SORCS3: variants seen among roughly 807,000 people sequenced by gnomAD.
The protein encoded by SORCS3 is sortilin related VPS10 domain containing receptor 3.
Under a neutral mutation model 146.3 loss-of-function variants are expected in SORCS3, and 57 were observed. That is an observed-to-expected ratio of 0.39 (90% CI 0.31 to 0.49). The LOEUF (loss-of-function observed/expected upper bound fraction) is 0.49, where lower values mean the gene tolerates loss of function less well. SORCS3 is among the 20% of genes least tolerant of loss of function. The pLI is 0.92. For synonymous variants in SORCS3, 653 were observed against 618.5 expected (o/e 1.06, Z -0.83); for missense variants, 1,341 against 1,575.5 (o/e 0.85, Z 2.52).
chr10:105,042,234 C>T (rs34795793), intron 4 of SORCS3, among the ~76,000 whole-genome samples: 64 of 152,204 alleles, frequency 4.2e-4, no homozygotes, highest in African/African-American at 1.4e-3. Context: ...GTGGTGGCAC[C>T]GTGGAAGCTT....
intron 2 of SORCS3, among the ~76,000 whole-genome samples, chr10:104,903,407 C>A (rs1042323443): frequency 5.3e-5 from 8 of 151,848 alleles, no homozygotes; most frequent in African/African-American, 1.7e-4. Flanking sequence ...GGGGACAGGG[C>A]AAATTGTGCT....
chr10:104,799,258 G>A (rs967880750), intron 1 of SORCS3, among the ~76,000 whole-genome samples: 5 of 152,050 alleles, frequency 3.3e-5, no homozygotes, highest in South Asian at 2.1e-4. Flanking sequence ...TGTTTATTGC[G>A]GCACTATTCA....
chr10:105,187,722 G>A (rs1387643594), intron 14 of SORCS3, among the ~76,000 whole-genome samples: 1 of 152,200 alleles, frequency 6.6e-6, no homozygotes, highest in Non-Finnish European at 1.5e-5. Flanking sequence ...CATGAATCAA[G>A]TGTTGCTATT....
chr10:104,802,358 G>A (rs1043769503), intron 1 of SORCS3, among the ~76,000 whole-genome samples: 1 of 152,198 alleles, frequency 6.6e-6, no homozygotes, highest in Non-Finnish European at 1.5e-5. Context: ...ATACAAAGTT[G>A]ATTTTTCAAA....
At chr10:105,236,113 T>C (rs967756123) in intron 20 of SORCS3, among the ~76,000 whole-genome samples, 1 of 152,154 alleles carries the variant, frequency 6.6e-6, no homozygotes, top group Non-Finnish European at 1.5e-5. Flanking sequence ...AGATGACTAA[T>C]GCACTTGCAT....
chr10:104,750,244 A>G (rs1159472166), intron 1 of SORCS3, among the ~76,000 whole-genome samples: 1 of 152,210 alleles, frequency 6.6e-6, no homozygotes, highest in Non-Finnish European at 1.5e-5. Flanking sequence ...CAAGCAATTC[A>G]TGCTAGCATA....
intron 9 of SORCS3, among the ~76,000 whole-genome samples, chr10:105,150,794 G>A (rs570270036): frequency 3.3e-5 from 5 of 152,202 alleles, no homozygotes; most frequent in African/African-American, 1.2e-4. Context: ...TACATTCTGT[G>A]GTTTGGAGAT....
intron 2 of SORCS3, among the ~76,000 whole-genome samples, chr10:104,895,091 G>A (rs778836909): frequency 3.3e-5 from 5 of 152,220 alleles, no homozygotes; most frequent in Admixed American, 6.5e-5. Flanking sequence ...ACACTCAGGG[G>A]ATGGTGGAGT....
intron 1 of SORCS3, among the ~76,000 whole-genome samples, chr10:104,653,058 A>G (rs2015582657): frequency 6.6e-6 from 1 of 152,210 alleles, no homozygotes; most frequent in Non-Finnish European, 1.5e-5. Flanking sequence ...GGTTGTTTTT[A>G]TTATCTGCAA....
chr10:105,242,648 AT>A (rs1157997048), intron 20 of SORCS3, among the ~76,000 whole-genome samples: 3 of 89,614 alleles, frequency 3.3e-5, no homozygotes, highest in African/African-American at 4.3e-5. Context: ...TTATATATAT[AT>A]TTATATACAT....
At chr10:105,162,566 C>T (rs2056274525) in intron 11 of SORCS3, among the ~76,000 whole-genome samples, 1 of 152,202 alleles carries the variant, frequency 6.6e-6, no homozygotes, top group Non-Finnish European at 1.5e-5. Flanking sequence ...GTCCCTTCAT[C>T]TGGGAACCAA....
chr10:105,039,317 C>T (rs1055557393), intron 4 of SORCS3, among the ~76,000 whole-genome samples: 1 of 152,094 alleles, frequency 6.6e-6, no homozygotes, highest in Non-Finnish European at 1.5e-5. Flanking sequence ...CTCAATCAGC[C>T]TCCAGGAGGA....
At chr10:105,262,143 T>C (rs1564798605) in intron 25 of SORCS3, among the ~76,000 whole-genome samples, 188 bp from the exon 26 acceptor site, 1 of 152,202 alleles carries the variant, frequency 6.6e-6, no homozygotes, top group Non-Finnish European at 1.5e-5. Flanking sequence ...CCTGGGCATC[T>C]GGGTTCCTAG....
chr10:105,002,097 A>G (rs899886210), intron 4 of SORCS3, among the ~76,000 whole-genome samples: 4 of 152,132 alleles, frequency 2.6e-5, no homozygotes, highest in Non-Finnish European at 5.9e-5. Flanking sequence ...TTCAGACACT[A>G]AGATGTGTGC....
At chr10:104,841,736 G>A (rs779163034) in intron 1 of SORCS3, among the ~76,000 whole-genome samples, 9 of 152,080 alleles carry the variant, frequency 5.9e-5, no homozygotes, top group South Asian at 4.1e-4. Context: ...TCATTATCTC[G>A]GAAAGAATTT....
chr10:104,736,329 G>A (rs1472049), intron 1 of SORCS3, among the ~76,000 whole-genome samples: 121,442 of 152,018 alleles, frequency 0.8, 48,763 homozygotes, highest in East Asian at 0.94. Flanking sequence ...TGTTATAAAC[G>A]GAGATTTCTT....
intron 5 of SORCS3, among the ~76,000 whole-genome samples, chr10:105,046,490 G>A (rs1178294981): frequency 6.6e-6 from 1 of 152,076 alleles, no homozygotes; most frequent in African/African-American, 2.4e-5. Flanking sequence ...ACAGCAGAAA[G>A]AACGAACCCC....
chr10:104,841,010 A>G (rs575019195), intron 1 of SORCS3, among the ~76,000 whole-genome samples: 10 of 152,248 alleles, frequency 6.6e-5, no homozygotes, highest in African/African-American at 2.4e-4. Flanking sequence ...GACTTGGTAC[A>G]TGAAATAAGG....
intron 4 of SORCS3, among the ~76,000 whole-genome samples, chr10:104,987,728 T>G (rs1284797100): frequency 6.6e-6 from 1 of 152,220 alleles, no homozygotes; most frequent in Non-Finnish European, 1.5e-5. Flanking sequence ...TAGGGTTTAT[T>G]ATTCAGAACG....
Sources: gnomAD v4.1 joint callset for allele counts (sites outside exome capture counted in the v4.1 genomes callset) on GRCh38, gnomAD v4.1.1 for gene constraint, MANE v1.5 for transcripts, NCBI Gene and HGNC (gene_info 2026-07-23, HGNC 2026-07-21) for gene names.